The following PDE8B variants were observed in gnomAD, a reference collection of about 807,000 sequenced individuals.
The protein encoded by PDE8B is high affinity cAMP-specific and IBMX-insensitive 3',5'-cyclic phosphodiesterase 8B.
A neutral mutation model predicts 101.3 loss-of-function variants in PDE8B; 26 were observed. The ratio of observed to expected loss-of-function variants is 0.26; its 90% CI spans 0.19 to 0.36. PDE8B has a LOEUF of 0.36. Among genes scored for constraint, PDE8B ranks in the 10% least tolerant of loss-of-function variants. The pLI is 1.00. For synonymous variants in PDE8B, 424 were observed against 429.3 expected (o/e 0.99, Z 0.15); for missense variants, 810 against 1,163.1 (o/e 0.70, Z 4.42).
Position 77,325,737 on chromosome 5 carries a change from C to T in PDE8B, c.590+8C>T. 6.3e-7 allele frequency: 1 copy of T among 1,584,202 alleles called. No homozygotes were observed. The highest frequency in any genetic ancestry group is 8.7e-7 in the Non-Finnish European group (1 of 1,153,006). ...TGCAGAAGCAGTGTGCAGGTACCTT[C>T]TCTAATTTAATATGCTTAGTAAATG... is the stretch of plus-strand genomic sequence containing the variant. On this transcript the variant is annotated splice_region_variant and intron_variant, in intron 3 of 21. Transcript: ENST00000264917.
chr5:77,109,123 C>T, the PDE8B span, among the ~76,000 whole-genome samples: 1 of 152,178 alleles, frequency 6.6e-6, no homozygotes, highest in South Asian at 2.1e-4. Flanking sequence ...ATTAATGATG[C>T]ATAGCCATGA....
chr5:77,208,311 G>A (rs1348661401), upstream of PDE8B, among the ~76,000 whole-genome samples: 1 of 152,184 alleles, frequency 6.6e-6, no homozygotes, highest in East Asian at 1.9e-4. Flanking sequence ...TGTGTCATGA[G>A]AATATGCATG....
chr5:77,272,413 G>T (rs1762978989), intron 1 of PDE8B, among the ~76,000 whole-genome samples: 1 of 152,138 alleles, frequency 6.6e-6, no homozygotes. Flanking sequence ...TGTTATCAAA[G>T]GATTTGTGGT....
the PDE8B span, chr5:77,148,002 T>C: frequency 6.6e-6 from 1 of 152,160 alleles, no homozygotes; most frequent in Admixed American, 6.5e-5. Flanking sequence ...GTAGAGAAAT[T>C]GCAAGCCCAG....
intron 10 of PDE8B, among the ~76,000 whole-genome samples, chr5:77,399,618 T>C (rs1190792124): frequency 1.3e-5 from 2 of 152,208 alleles, no homozygotes; most frequent in African/African-American, 4.8e-5. Context: ...AGCACACTTA[T>C]TATTTCTAGT....
At chr5:77,371,174 A>T (rs1389934508) in intron 10 of PDE8B, among the ~76,000 whole-genome samples, 1 of 152,150 alleles carries the variant, frequency 6.6e-6, no homozygotes, top group African/African-American at 2.4e-5. Context: ...GTTTTCTGTG[A>T]CCTACCTAAG....
At chr5:77,155,364 A>T in the PDE8B span, among the ~76,000 whole-genome samples, 1 of 152,228 alleles carries the variant, frequency 6.6e-6, no homozygotes. Context: ...GTCGTCTGAC[A>T]TTTCATATAG....
chr5:77,400,269 T>G lies in PDE8B; in HGVS notation c.1189T>G (p.Ser397Ala), dbSNP rs770836296. 3.7e-6 allele frequency: 6 copies of G among 1,603,498 alleles called. No homozygotes were observed. The highest frequency in any genetic ancestry group is 1.7e-5 in the Admixed American group (1 of 60,012). The part of the protein sequence containing the change: ...NKQIHKIHRD[S>A]GDNSQTEPHS... ...TTAGATTCACAAGATTCATCGTGAT[T>G]CAGGAGACAATTCTCAGACAGGTGA... Residue 397 changes from serine to alanine, a missense_variant, in exon 11 of 22, where the codon TCA becomes GCA. Ser to Ala is a moderately conservative substitution (Grantham distance 99). Transcript: ENST00000264917.
rs1793665587 is a variant in PDE8B at position 77,407,305 on chromosome 5, A to T, written c.1289-76A>T. On this transcript the variant is annotated intron_variant, in intron 12 of 21. Transcript: ENST00000264917. ...CCCTGTGAGAAGCGGGCCCTGGTCC[A>T]TGAAGGGACTCCTTTGCTGCACTTA... 2.7e-6 allele frequency: 3 copies of T among 1,092,934 alleles called. No individual in the cohort carries two copies. The African/African-American group carries it at 4.6e-5, about 17-fold the overall frequency. 67.7% of individuals were successfully genotyped at this position (1,092,934 alleles called of 1,614,324 possible).
intron 20 of PDE8B, among the ~76,000 whole-genome samples, chr5:77,424,824 TTG>T (rs936742514): frequency 1.8e-5 from 2 of 108,404 alleles, no homozygotes; most frequent in Non-Finnish European, 4.2e-5. Context: ...TTTTTGTTTT[TTG>T]TTTTTTGTTT....
intron 5 of PDE8B, among the ~76,000 whole-genome samples, chr5:77,332,879 G>A (rs1777415592): frequency 6.6e-6 from 1 of 151,718 alleles, no homozygotes; most frequent in African/African-American, 2.4e-5. Context: ...CCAAGTAGGT[G>A]GAGTGATGTA....
At chr5:77,309,139 A>G (rs1771932790) in intron 1 of PDE8B, among the ~76,000 whole-genome samples, 1 of 149,656 alleles carries the variant, frequency 6.7e-6, no homozygotes, top group South Asian at 2.2e-4. Context: ...AGAAGGCACC[A>G]CTGCACTCCA....
At chr5:77,404,076 G>A (rs914028523) in intron 11 of PDE8B, among the ~76,000 whole-genome samples, 3 of 151,376 alleles carry the variant, frequency 2.0e-5, no homozygotes, top group African/African-American at 7.3e-5. Flanking sequence ...CAACCTCTGC[G>A]TGCTGGGTTC....
Position 77,331,436 on chromosome 5 carries a change from C to T in PDE8B, c.685C>T (p.Leu229Phe). Residue 229 changes from leucine to phenylalanine, a missense_variant, in exon 5 of 22, where the codon CTT becomes TTT. Physicochemically the swap from Leu to Phe is conservative, Grantham distance 22. This residue lies in a region of PDE8B where 251 missense variants were observed against 378.8 expected (regional missense o/e 0.66). Coordinates refer to ENST00000264917, the MANE Select transcript of PDE8B (RefSeq NM_003719.5). ...DDHEEASVLP[L>F]LHAGFNRRFM... ...CCATGAAGAGGCGTCAGTCCTTCCT[C>T]TTCTCCACGCAGGCTTCAACAGGGT... 1.2e-6 allele frequency: 2 copies of T among 1,613,820 alleles called. No homozygotes were observed. The highest frequency in any genetic ancestry group is 1.1e-5 in the South Asian group (1 of 91,080).
chr5:77,374,732 A>C (rs1309393293), intron 10 of PDE8B, among the ~76,000 whole-genome samples: 1 of 152,222 alleles, frequency 6.6e-6, no homozygotes, highest in African/African-American at 2.4e-5. Context: ...ATGTGTTTTA[A>C]AGAAATTAAG....
At chr5:77,120,270 A>G in the PDE8B span, among the ~76,000 whole-genome samples, 3 of 152,246 alleles carry the variant, frequency 2.0e-5, no homozygotes, top group Non-Finnish European at 4.4e-5. Context: ...ATGTGGGCGT[A>G]CAAGTAGGAG....
intron 1 of PDE8B, among the ~76,000 whole-genome samples, chr5:77,248,649 C>T (rs1007871244): frequency 6.6e-6 from 1 of 152,162 alleles, no homozygotes; most frequent in Non-Finnish European, 1.5e-5. Context: ...CGGCTTGTCT[C>T]TGGGGAAAGA....
At chr5:77,297,001 G>A (rs1768731536) in intron 1 of PDE8B, among the ~76,000 whole-genome samples, 1 of 152,098 alleles carries the variant, frequency 6.6e-6, no homozygotes, top group Admixed American at 6.5e-5. Flanking sequence ...ATATCCCAGA[G>A]CCTGACTTTG....
At chr5:77,116,220 A>AT in the PDE8B span, among the ~76,000 whole-genome samples, 3 of 75,898 alleles carry the variant, frequency 4.0e-5, no homozygotes, top group African/African-American at 1.4e-4. Flanking sequence ...ATATATATAT[A>AT]TATATTTTTT....
Sources: gnomAD v4.1 joint callset for allele counts (sites outside exome capture counted in the v4.1 genomes callset) on GRCh38, gnomAD v4.1.1 for gene constraint, gnomAD v4.1.1 regional missense constraint, MANE v1.5 for transcripts, NCBI Gene and HGNC (gene_info 2026-07-23, HGNC 2026-07-21) for gene names.